Variants in NELL2 observed in about 807,000 individuals in gnomAD.
NELL2 encodes protein kinase C-binding protein NELL2.
In NELL2, 41 loss-of-function variants were observed where a neutral mutation model predicts 109.6. That is an observed-to-expected ratio of 0.37 (90% confidence interval 0.29 to 0.49). The LOEUF (loss-of-function observed/expected upper bound fraction) is 0.49. Among genes scored for constraint, NELL2 ranks in the 20% least tolerant of loss-of-function variants. The probability of loss-of-function intolerance (pLI) is 0.98; values close to 1 mark genes in which losing one functional copy is unlikely to be tolerated. For missense variants in NELL2, 900 were observed against 1,008.3 expected, an observed-to-expected ratio of 0.89 and a Z score of 1.45; for synonymous variants, 355 against 344.7, an observed-to-expected ratio of 1.03 and a Z score of -0.33.
intron 15 of NELL2, among the ~76,000 whole-genome samples, chr12:44,559,711 C>T (rs1943397063): frequency 1.3e-5 from 2 of 152,288 alleles, no homozygotes; most frequent in South Asian, 4.1e-4. Context: ...GAGACTTAGA[C>T]TCCCACACAA....
chr12:44,785,197 A>G (rs1942117446), intron 3 of NELL2, among the ~76,000 whole-genome samples: 1 of 152,242 alleles, frequency 6.6e-6, no homozygotes, highest in African/African-American at 2.4e-5. Context: ...AGAATACAAA[A>G]TCAATGTGCA....
chr12:44,790,418 A>G (rs1942337758), intron 3 of NELL2, among the ~76,000 whole-genome samples: 1 of 152,204 alleles, frequency 6.6e-6, no homozygotes, highest in Non-Finnish European at 1.5e-5. Context: ...TTTGAGACCA[A>G]GAAATGCTGA....
rs575786500 is a variant in NELL2, at chr12:44,900,515, G to A, written c.38+13284C>T. ...AACAACCTGCTCCTGAATGACTACT[G>A]GTTAAATAACAAAATTAAGGCAGAA... On this transcript the variant is annotated intron_variant, in intron 1 of 20. Transcript: ENST00000333837. Among the ~76,000 whole-genome samples the A allele has an allele frequency of 7.9e-5, 12 of 152,110 alleles. No homozygotes were observed. In the East Asian group the frequency reaches 2.1e-3, roughly 27 times the overall value.
At chr12:44,630,834 G>C (rs17572590) in intron 13 of NELL2, among the ~76,000 whole-genome samples, 1 of 151,974 alleles carries the variant, frequency 6.6e-6, no homozygotes, top group Non-Finnish European at 1.5e-5. Context: ...CTGTTAGATG[G>C]AATAAAGATT....
intron 16 of NELL2, among the ~76,000 whole-genome samples, chr12:44,529,570 G>A (rs527791882): frequency 2.0e-5 from 3 of 152,144 alleles, no homozygotes; most frequent in Non-Finnish European, 4.4e-5. Context: ...CTGAGTCCTG[G>A]GGCATTTGCG....
At chr12:44,857,082 T>A (rs1235328025) in intron 2 of NELL2, among the ~76,000 whole-genome samples, 1 of 152,062 alleles carries the variant, frequency 6.6e-6, no homozygotes, top group Non-Finnish European at 1.5e-5. Flanking sequence ...ACATAAAAAG[T>A]AACAAACAAT....
At chr12:44,849,764 A>G (rs1308047771) in intron 2 of NELL2, among the ~76,000 whole-genome samples, 7 of 152,182 alleles carry the variant, frequency 4.6e-5, no homozygotes, top group Non-Finnish European at 7.4e-5. Context: ...AGGAAAATTG[A>G]TCATCAAATT....
intron 9 of NELL2, among the ~76,000 whole-genome samples, chr12:44,732,466 C>T (rs1160301867): frequency 6.6e-6 from 1 of 151,978 alleles, no homozygotes; most frequent in Non-Finnish European, 1.5e-5. Flanking sequence ...AAAAGATAGT[C>T]TCTTCAACAA....
chr12:44,607,742 T>C (rs1234112404), intron 14 of NELL2, among the ~76,000 whole-genome samples: 1 of 152,098 alleles, frequency 6.6e-6, no homozygotes, highest in African/African-American at 2.4e-5. Context: ...TTCAAAAATT[T>C]GTAAGCGGGT....
intron 12 of NELL2, among the ~76,000 whole-genome samples, chr12:44,673,085 CA>C (rs1453928812): frequency 1.0e-3 from 153 of 152,218 alleles, no homozygotes; most frequent in Non-Finnish European, 7.4e-5. Context: ...GTAAAAATAG[CA>C]AAAAATACCA....
At chr12:44,749,686 CT>C (rs1940557465) in intron 9 of NELL2, among the ~76,000 whole-genome samples, 1 of 152,112 alleles carries the variant, frequency 6.6e-6, no homozygotes, top group Non-Finnish European at 1.5e-5. Context: ...TGAAGTCCCC[CT>C]CGGAGGAGGA....
chr12:44,732,028 A>C (rs1939396710), intron 9 of NELL2, among the ~76,000 whole-genome samples: 1 of 152,024 alleles, frequency 6.6e-6, no homozygotes, highest in Non-Finnish European at 1.5e-5. Context: ...AATGAGGCAA[A>C]AGACTTGTAC....
At chr12:44,908,734 G>T (rs1408731650) in intron 1 of NELL2, among the ~76,000 whole-genome samples, 4 of 151,968 alleles carry the variant, frequency 2.6e-5, no homozygotes, top group African/African-American at 9.7e-5. Flanking sequence ...ATGAAACTTT[G>T]TGCTGTTACA....
chr12:44,724,327 C>T (rs935142021), intron 9 of NELL2, among the ~76,000 whole-genome samples: 3 of 151,426 alleles, frequency 2.0e-5, no homozygotes, highest in Non-Finnish European at 4.4e-5. Flanking sequence ...ATCATTGGGA[C>T]CTCAAGCCTC....
At chr12:44,778,058 C>T (rs7309675) in intron 5 of NELL2, among the ~76,000 whole-genome samples, 34,744 of 151,980 alleles carry the variant, frequency 0.23, 4,204 homozygotes, top group South Asian at 0.28. Context: ...CAGACACATC[C>T]AGCTGTCTCT....
chr12:44,523,464 C>T lies in NELL2; in HGVS notation c.1825G>A (p.Gly609Arg), dbSNP rs955204718. The change falls in exon 17 of 20, where the codon GGG becomes AGG. Residue 609 changes from glycine to arginine, a missense_variant. Around this residue, in one of 4 missense-constraint regions of NELL2, gnomAD observed 333 missense variants for 432.3 expected, o/e 0.77. Coordinates refer to ENST00000429094, the MANE Select transcript of NELL2 (RefSeq NM_001145108.2). ...SCEDIDECGTGRHSCANDTIC... is the reference protein window; with the variant it reads ...SCEDIDECGTRRHSCANDTIC... Reference sequence around the variant, plus strand: ...GTATCATTGGCACAGCTGTGCCTCCCGGTCCCACACTCATCAATATCTATA... The same window carrying T: ...GTATCATTGGCACAGCTGTGCCTCCTGGTCCCACACTCATCAATATCTATA... 5.0e-6 allele frequency: 8 copies of T among 1,613,488 alleles called. No homozygotes were observed. The highest frequency in any genetic ancestry group is 2.2e-5 in the East Asian group (1 of 44,886).
At chr12:44,801,533 G>A (rs1249771006) in intron 3 of NELL2, among the ~76,000 whole-genome samples, 1 of 152,050 alleles carries the variant, frequency 6.6e-6, no homozygotes, top group African/African-American at 2.4e-5. Flanking sequence ...GGGCTGTGAC[G>A]CCAAGTAGCC....
chr12:44,814,038 T>C (rs1341704700), intron 3 of NELL2, among the ~76,000 whole-genome samples: 1 of 152,058 alleles, frequency 6.6e-6, no homozygotes, highest in African/African-American at 2.4e-5. Flanking sequence ...CTGGTCAGAG[T>C]GTGTACAGTT....
intron 15 of NELL2, among the ~76,000 whole-genome samples, chr12:44,534,921 T>C (rs528725966): frequency 6.6e-6 from 1 of 152,188 alleles, no homozygotes; most frequent in East Asian, 1.9e-4. Flanking sequence ...TCTCAGTTTC[T>C]ATGGTATAGA....
Sources: gnomAD v4.1 joint callset for allele counts (sites outside exome capture counted in the v4.1 genomes callset) on GRCh38, gnomAD v4.1.1 for gene constraint, gnomAD v4.1.1 regional missense constraint, MANE v1.5 for transcripts, NCBI Gene and HGNC (gene_info 2026-07-23, HGNC 2026-07-21) for gene names.